Variants in APBB2 observed in about 807,000 individuals in gnomAD.
APBB2 encodes amyloid beta precursor protein binding family B member 2.
Under a neutral mutation model 82.5 loss-of-function variants are expected in APBB2, and 38 were observed. That is an observed-to-expected ratio of 0.46 (90% CI 0.36 to 0.60). The LOEUF (loss-of-function observed/expected upper bound fraction) is 0.60. Ranked by LOEUF, APBB2 falls within the 20% of genes least tolerant of loss-of-function variation. The pLI is 0.00. For missense variants in APBB2, 772 were observed against 972.3 expected (o/e 0.79, Z 2.74); for synonymous variants, 341 against 368.2 (o/e 0.93, Z 0.85).
intron 10 of APBB2, among the ~76,000 whole-genome samples, chr4:40,911,684 T>C (rs1458487371): frequency 6.6e-6 from 1 of 152,000 alleles, no homozygotes; most frequent in Non-Finnish European, 1.5e-5. Flanking sequence ...TATCCAAGGG[T>C]CCTGGGACAC....
At chr4:41,149,447 T>C (rs895782703) in intron 1 of APBB2, among the ~76,000 whole-genome samples, 6 of 151,820 alleles carry the variant, frequency 4.0e-5, no homozygotes, top group East Asian at 1.9e-4. Context: ...AAAAATTCAA[T>C]ATGGGATGCA....
At chr4:41,080,848 G>A (rs977452831) in intron 3 of APBB2, among the ~76,000 whole-genome samples, 1 of 151,950 alleles carries the variant, frequency 6.6e-6, no homozygotes, top group Non-Finnish European at 1.5e-5. Flanking sequence ...GACTACAGGT[G>A]CCTGCCACTA....
intron 1 of APBB2, among the ~76,000 whole-genome samples, chr4:41,199,155 T>TG (rs1776071797): frequency 2.1e-5 from 3 of 143,364 alleles, no homozygotes; most frequent in Admixed American, 6.8e-5. Context: ...AGTTATATTT[T>TG]TGGGGGGGAC....
At chr4:40,921,066 C>T (rs866052671) in intron 10 of APBB2, among the ~76,000 whole-genome samples, 2 of 152,172 alleles carry the variant, frequency 1.3e-5, no homozygotes. Flanking sequence ...AAATAAGAGA[C>T]CCTCACAAGG....
chr4:41,063,878 C>G (rs1391869756), intron 4 of APBB2, among the ~76,000 whole-genome samples: 2 of 147,306 alleles, frequency 1.4e-5, no homozygotes. Flanking sequence ...AGGGTTTCAT[C>G]ATGTTGCCCA....
chr4:40,910,702 C>T (rs1284684049), intron 10 of APBB2, among the ~76,000 whole-genome samples: 1 of 152,260 alleles, frequency 6.6e-6, no homozygotes, highest in Non-Finnish European at 1.5e-5. Flanking sequence ...TCAAGAAATA[C>T]TTGTCAGATG....
chr4:40,827,484 C>T (rs538537706), intron 13 of APBB2, among the ~76,000 whole-genome samples: 1 of 152,262 alleles, frequency 6.6e-6, no homozygotes, highest in Admixed American at 6.5e-5. Flanking sequence ...ATTCACCAGG[C>T]TCCCACCTCT....
intron 5 of APBB2, among the ~76,000 whole-genome samples, chr4:41,021,970 G>A (rs1188327036): frequency 6.6e-6 from 1 of 152,106 alleles, no homozygotes; most frequent in East Asian, 1.9e-4. Context: ...GCGAGACCAT[G>A]AACCCACTGG....
At chr4:41,202,902 T>TA (rs1189769768) in intron 1 of APBB2, among the ~76,000 whole-genome samples, 1 of 152,230 alleles carries the variant, frequency 6.6e-6, no homozygotes, top group Non-Finnish European at 1.5e-5. Context: ...AATGTTCGTA[T>TA]AAAAATCATT....
intron 4 of APBB2, among the ~76,000 whole-genome samples, chr4:41,048,867 G>T (rs1038065947): frequency 4.6e-5 from 7 of 152,182 alleles, no homozygotes; most frequent in African/African-American, 1.7e-4. Flanking sequence ...TGGAGACAGG[G>T]TTTCGCTGTG....
intron 1 of APBB2, among the ~76,000 whole-genome samples, chr4:41,163,713 T>A (rs545320120): frequency 6.6e-6 from 1 of 152,346 alleles, no homozygotes; most frequent in African/African-American, 2.4e-5. Context: ...TTCTTCAATA[T>A]GTTCATAAAT....
intron 10 of APBB2, among the ~76,000 whole-genome samples, chr4:40,913,739 A>T (rs1779148710): frequency 6.6e-6 from 1 of 152,140 alleles, no homozygotes. Flanking sequence ...CGATCCATTT[A>T]GTACCACTTT....
intron 2 of APBB2, chr4:41,113,979 G>C (rs536420127): frequency 6.6e-6 from 1 of 152,224 alleles, no homozygotes; most frequent in Non-Finnish European, 1.5e-5. Context: ...CAACTGGAAC[G>C]ACACAGACAT....
chr4:40,931,812 T>A (rs527630127), intron 10 of APBB2, among the ~76,000 whole-genome samples: 31 of 151,822 alleles, frequency 2.0e-4, no homozygotes, highest in Middle Eastern at 3.4e-3. Flanking sequence ...TTTTTTTTTT[T>A]AAAGTGTTTG....
rs1744730753 is a variant in APBB2, at chr4:40,813,031, T to G, written c.*3061A>C. On this transcript the variant is annotated 3_prime_UTR_variant, in exon 18 of 18. Transcript: ENST00000508593. ...AGCCATAGGCATGTTGGCTAGTCGT[T>G]CCCCTTGATGTTGCCAAGGAGCAGA... 1 of 152,182 alleles carries G rather than the reference T, an allele frequency of 6.6e-6. No homozygotes were observed. The highest frequency in any genetic ancestry group is 2.4e-5 in the African/African-American group (1 of 41,436). 9.4% of individuals were successfully genotyped at this position (152,182 alleles called of 1,614,324 possible).
intron 4 of APBB2, among the ~76,000 whole-genome samples, chr4:41,042,597 T>G (rs1224186062): frequency 6.6e-6 from 1 of 152,212 alleles, no homozygotes; most frequent in Non-Finnish European, 1.5e-5. Flanking sequence ...GGATCTGTGC[T>G]ACTGCCATAA....
intron 4 of APBB2, among the ~76,000 whole-genome samples, chr4:41,043,777 A>T (rs1722381238): frequency 6.6e-6 from 1 of 152,182 alleles, no homozygotes; most frequent in Admixed American, 6.5e-5. Flanking sequence ...GTCTATTTTT[A>T]AAATTTTGAT....
At chr4:41,089,558 G>A (rs1259602964) in intron 3 of APBB2, among the ~76,000 whole-genome samples, 1 of 152,036 alleles carries the variant, frequency 6.6e-6, no homozygotes, top group African/African-American at 2.4e-5. Flanking sequence ...TACACTTCAT[G>A]TTTATCCTAG....
intron 10 of APBB2, among the ~76,000 whole-genome samples, chr4:40,929,749 G>T (rs1174598777): frequency 6.6e-6 from 1 of 152,182 alleles, no homozygotes; most frequent in African/African-American, 2.4e-5. Flanking sequence ...TGCTGCTGCA[G>T]GCTTTCTGGA....
Sources: gnomAD v4.1 joint callset for allele counts (sites outside exome capture counted in the v4.1 genomes callset) on GRCh38, gnomAD v4.1.1 for gene constraint, MANE v1.5 for transcripts, NCBI Gene and HGNC (gene_info 2026-07-23, HGNC 2026-07-21) for gene names.